Variants in RSRP1 observed in about 807,000 individuals in gnomAD.
RSRP1 encodes arginine and serine rich protein 1, also known as arginine/serine-rich protein 1.
A neutral mutation model predicts 33.0 loss-of-function variants in RSRP1; 37 were observed. The observed-to-expected ratio is 1.12, with a 90% CI of 0.86 to 1.48. RSRP1 has a LOEUF of 1.48. RSRP1 is among the 40% of genes most tolerant of loss of function. The pLI, the probability that RSRP1 is intolerant of heterozygous loss-of-function variation, is 0.00. For synonymous variants in RSRP1, 167 were observed against 158.7 expected (o/e 1.05, Z -0.40); for missense variants, 402 against 385.3 (o/e 1.04, Z -0.36).
intron 1 of RSRP1, among the ~76,000 whole-genome samples, chr1:25,263,006 G>A (rs1237388613): frequency 1.3e-5 from 2 of 152,196 alleles, no homozygotes; most frequent in Non-Finnish European, 2.9e-5. Flanking sequence ...AAGTTAAGGA[G>A]AAAGAAGACA....
intron 1 of RSRP1, among the ~76,000 whole-genome samples, chr1:25,308,748 T>C (rs1643981456): frequency 7.8e-6 from 1 of 127,984 alleles, no homozygotes; most frequent in African/African-American, 2.7e-5. Context: ...CCTCTTGCCT[T>C]TGCAGGACCC....
At chr1:25,322,573 T>C (rs1361640989) in intron 1 of RSRP1, among the ~76,000 whole-genome samples, 1 of 132,390 alleles carries the variant, frequency 7.6e-6, no homozygotes, top group Non-Finnish European at 1.8e-5. Flanking sequence ...CTCAGGAGGC[T>C]GAGGCAGGAG....
chr1:25,243,991 G>A (rs1421017592), intron 3 of RSRP1: 19 of 1,166,860 alleles, frequency 1.6e-5, no homozygotes, highest in Non-Finnish European at 1.8e-5. Context: ...TCTGAACAAA[G>A]ACCTTGTCTA....
intron 1 of RSRP1, among the ~76,000 whole-genome samples, chr1:25,256,685 G>A (rs1186974271): frequency 1.3e-5 from 2 of 151,794 alleles, no homozygotes; most frequent in Admixed American, 6.6e-5. Flanking sequence ...GGCTAATCTT[G>A]AACTCCTGGG....
At position 25,281,804 on chromosome 1, in the gene RSRP1, G is replaced by A. The variant is rs371954961; in HGVS notation, c.-66-34775C>T. On this transcript the variant is annotated intron_variant, in intron 1 of 1. Coordinates refer to the RSRP1 transcript ENST00000561867. Reference sequence around the variant, plus strand: ...CCCAGGTCCCATGGAGGTCCTTGGGGGCCTCCTATATCCTGGTGGTGTCAG... The same window carrying A: ...CCCAGGTCCCATGGAGGTCCTTGGGAGCCTCCTATATCCTGGTGGTGTCAG... Among the ~76,000 whole-genome samples the A allele has an allele frequency of 2.9e-4, 39 of 132,468 alleles. 10 individuals are homozygous for A. The highest frequency in any genetic ancestry group is 1.0e-3 in the Admixed American group (14 of 13,608). The allele number at this position is 132,468 out of a possible 152,430, so 86.9% of individuals were successfully genotyped here. A position where few individuals can be genotyped will look rare whatever the true frequency, so the allele number is the denominator to read the frequency against.
In RSRP1 at chr1:25,274,760, A is replaced by T. The variant is rs1394004308; in HGVS notation, c.-66-27731T>A. Among the ~76,000 whole-genome samples the T allele has an allele frequency of 2.2e-5, 3 of 134,216 alleles. 1 individual carries two copies. Among genetic ancestry groups the T allele is most frequent in the African/African-American group, 7.6e-5 (3 of 39,422 alleles). 88.1% of individuals were successfully genotyped at this position (134,216 alleles called of 152,430 possible). ...CGTGGCTCACGCCTGTAATCCCGGC[A>T]CATTGGGAGGCCAAGGCTGGAGAAT... is the stretch of plus-strand genomic sequence containing the variant. On this transcript the variant is annotated intron_variant, in intron 1 of 1. Transcript: ENST00000561867.
At position 25,276,295 on chromosome 1, in the gene RSRP1, G is replaced by T. The variant is rs541131205; in HGVS notation, c.-66-29266C>A. ...GCCAGAAAAAAGAAAAAGTACAGAA[G>T]GATTATAGAAACAAGATTGGTCTCA... On this transcript the variant is annotated intron_variant, in intron 1 of 1. Coordinates refer to the RSRP1 transcript ENST00000561867. Among the ~76,000 whole-genome samples, 25 of 129,282 alleles carry T rather than the reference G, an allele frequency of 1.9e-4. 10 individuals are homozygous for T. Among genetic ancestry groups the T allele is most frequent in the Non-Finnish European group, 3.8e-4 (21 of 55,236 alleles). 84.8% of individuals were successfully genotyped at this position (129,282 alleles called of 152,430 possible).
At chr1:25,329,237 GT>G (rs71014352) in intron 1 of RSRP1, 13,237 of 224,844 alleles carry the variant, frequency 0.059, 9 homozygotes, top group African/African-American at 0.072. Flanking sequence ...ATTATTCCTT[GT>G]TTTTTTTTTT....
rs1308098728 is a variant in RSRP1 at position 25,272,003 on chromosome 1, G to T, written c.-66-24974C>A. Reference sequence around the variant, plus strand: ...TAACTATGAGGAGTCAGTTCTACGTGGGTCCTATCTGTATCCTCCCCAGGG... The same window carrying T: ...TAACTATGAGGAGTCAGTTCTACGTTGGTCCTATCTGTATCCTCCCCAGGG... On this transcript the variant is annotated intron_variant, in intron 1 of 1. Coordinates refer to the RSRP1 transcript ENST00000561867. Among the ~76,000 whole-genome samples the T allele has an allele frequency of 2.1e-4, 27 of 131,590 alleles. 3 individuals are homozygous for T. The highest frequency in any genetic ancestry group is 6.7e-4 in the African/African-American group (26 of 38,654). The allele number at this position is 131,590 out of a possible 152,430, so 86.3% of individuals were successfully genotyped here. A position where few individuals can be genotyped will look rare whatever the true frequency, so the allele number is the denominator to read the frequency against.
rs939403903 is a variant in RSRP1 at position 25,330,390 on chromosome 1, G to A, written c.-67+7588C>T. The A allele has an allele frequency of 3.0e-5, 4 of 132,410 alleles. 1 individual carries two copies. Among genetic ancestry groups the A allele is most frequent in the African/African-American group, 1.0e-4 (4 of 38,824 alleles). 8.2% of individuals were successfully genotyped at this position (132,410 alleles called of 1,614,324 possible). A position where few individuals can be genotyped will look rare whatever the true frequency, so the allele number is the denominator to read the frequency against. ...TTCTTTGAAAATTCTGGCAGACCAAGGTTCTTTTTGTTTACATAATACTTG... is the reference window on the plus strand; with the variant it reads ...TTCTTTGAAAATTCTGGCAGACCAAAGTTCTTTTTGTTTACATAATACTTG... On this transcript the variant is annotated intron_variant, in intron 1 of 1. Coordinates refer to the RSRP1 transcript ENST00000561867.
upstream of RSRP1, among the ~76,000 whole-genome samples, chr1:25,251,840 G>A (rs1031834548): frequency 6.6e-6 from 1 of 151,626 alleles, no homozygotes; most frequent in African/African-American, 2.4e-5. Flanking sequence ...ACAGTTTAAC[G>A]AGTGCCCTTC....
chr1:25,255,652 T>G (rs1384630776), intron 1 of RSRP1, among the ~76,000 whole-genome samples: 3 of 152,140 alleles, frequency 2.0e-5, no homozygotes, highest in Non-Finnish European at 2.9e-5. Context: ...TTGTAATATA[T>G]AATAAAATAG....
At chr1:25,306,044 AG>A (rs200639957) in intron 1 of RSRP1, among the ~76,000 whole-genome samples, 1,752 of 131,814 alleles carry the variant, frequency 0.013, 280 homozygotes, top group African/African-American at 0.042. Flanking sequence ...AGGGATCTGA[AG>A]GTGTGGCCTC....
intron 1 of RSRP1, among the ~76,000 whole-genome samples, chr1:25,289,823 A>ATTTTTTTTT (rs71014347): frequency 8.6e-6 from 1 of 115,864 alleles, no homozygotes; most frequent in Non-Finnish European, 2.0e-5. Flanking sequence ...TCATAAGTAC[A>ATTTTTTTTT]TTTTTTTTTT....
intron 1 of RSRP1, among the ~76,000 whole-genome samples, chr1:25,297,059 GA>G (rs1643015292): frequency 7.7e-6 from 1 of 129,490 alleles, no homozygotes. Context: ...ATCTTTTCTA[GA>G]AAAAAATATA....
At chr1:25,303,007 C>T (rs185658016) in intron 1 of RSRP1, among the ~76,000 whole-genome samples, 1 of 130,744 alleles carries the variant, frequency 7.6e-6, no homozygotes, top group Non-Finnish European at 1.8e-5. Flanking sequence ...CCATTCTTCC[C>T]GCTGCCCAGG....
chr1:25,265,512 G>A (rs573091280), intron 1 of RSRP1, among the ~76,000 whole-genome samples: 1 of 104,552 alleles, frequency 9.6e-6, no homozygotes, highest in Non-Finnish European at 2.2e-5. Flanking sequence ...CTGTTGCCTA[G>A]ACTAGAATGC....
At position 25,307,701 on chromosome 1, in the gene RSRP1, G is replaced by C; in HGVS notation, c.-67+30277C>G. 4.6e-6 allele frequency: 6 copies of C among 1,308,282 alleles called. 1 individual carries two copies. The South Asian group carries it at 6.4e-5, about 14-fold the overall frequency. 81.0% of individuals were successfully genotyped at this position (1,308,282 alleles called of 1,614,324 possible). On this transcript the variant is annotated intron_variant, in intron 1 of 1. Transcript: ENST00000561867. ...TGGCTGAAGCAGGTGATGAGGAGCT[G>C]ATGCGTTTGGACGTGTCTCAGAGAA... is the stretch of plus-strand genomic sequence containing the variant.
chr1:25,296,572 T>A (rs1284411480), intron 1 of RSRP1, among the ~76,000 whole-genome samples: 1 of 129,904 alleles, frequency 7.7e-6, no homozygotes, highest in African/African-American at 2.6e-5. Context: ...TGCAGTTGGG[T>A]TCTGTATCCC....
Sources: allele counts gnomAD v4.1 joint callset (sites outside exome capture counted in the v4.1 genomes callset), GRCh38; gene constraint gnomAD v4.1.1; transcripts MANE v1.5; gene names NCBI Gene and HGNC (gene_info 2026-07-23, HGNC 2026-07-21).